The following PACSIN2 variants were observed in gnomAD, a reference collection of about 807,000 sequenced individuals.
PACSIN2 encodes protein kinase C and casein kinase substrate in neurons 2.
A neutral mutation model predicts 63.8 loss-of-function variants in PACSIN2; 25 were observed. The observed-to-expected ratio is 0.39, with a 90% CI of 0.29 to 0.55. The LOEUF (loss-of-function observed/expected upper bound fraction) is 0.55, where lower values mean the gene tolerates loss of function less well. Among genes scored for constraint, PACSIN2 ranks in the 20% least tolerant of loss-of-function variants. PACSIN2 has a pLI of 0.62. For synonymous variants in PACSIN2, 255 were observed against 256.2 expected (o/e 1.00, Z 0.05); for missense variants, 518 against 646.9 (o/e 0.80, Z 2.16).
Position 42,987,494 on chromosome 22 carries a change from C to CACACACACA in PACSIN2, c.-78+27526_-78+27527insTGTGTGTGT, listed in dbSNP as rs769969045. The stretch of plus-strand genomic sequence containing the variant: ...CACACACACACACACACACACACAC[C>CACACACACA]CATGGCACCATGTTCAGAAGACGGG... On this transcript the variant is annotated intron_variant, in intron 1 of 10. Transcript: ENST00000263246. Among the ~76,000 whole-genome samples the CACACACACA allele has an allele frequency of 3.6e-3, 248 of 68,038 alleles. 2 individuals carry two copies. Among genetic ancestry groups the CACACACACA allele is most frequent in the East Asian group, 0.011 (34 of 3,088 alleles). The allele number at this position is 68,038 out of a possible 152,430, so 44.6% of individuals were successfully genotyped here. A position where few individuals can be genotyped will look rare whatever the true frequency, so the allele number is the denominator to read the frequency against.
intron 4 of PACSIN2, 44 bp from the exon 5 acceptor site, chr22:42,888,842 C>CCTG: frequency 6.3e-7 from 1 of 1,599,548 alleles, no homozygotes; most frequent in South Asian, 1.1e-5. Context: ...ACTGGGAGTT[C>CCTG]AGGATCCTCA....
intron 1 of PACSIN2, among the ~76,000 whole-genome samples, chr22:42,946,411 C>A (rs376264946): frequency 6.6e-6 from 1 of 152,170 alleles, no homozygotes; most frequent in South Asian, 2.1e-4. Context: ...CTGAGCCTGG[C>A]GAGAGCAGCA....
intron 6 of PACSIN2, among the ~76,000 whole-genome samples, chr22:42,883,179 G>A (rs1490483129): frequency 6.6e-6 from 1 of 152,102 alleles, no homozygotes; most frequent in Non-Finnish European, 1.5e-5. Flanking sequence ...ACATGCAGAA[G>A]AGCCTGACAC....
At chr22:42,970,768 G>C (rs1347938059) in intron 1 of PACSIN2, among the ~76,000 whole-genome samples, 2 of 152,162 alleles carry the variant, frequency 1.3e-5, no homozygotes, top group Non-Finnish European at 2.9e-5. Flanking sequence ...AGGAAGGCAG[G>C]GCCCCGTGTA....
chr22:42,920,279 T>TAC (rs1932099866), intron 1 of PACSIN2, among the ~76,000 whole-genome samples: 1 of 152,188 alleles, frequency 6.6e-6, no homozygotes, highest in Non-Finnish European at 1.5e-5. Context: ...TCTCACGGGC[T>TAC]ACCCTGGGTG....
intron 2 of PACSIN2, among the ~76,000 whole-genome samples, chr22:42,906,816 T>C (rs1931107924): frequency 1.3e-5 from 2 of 152,216 alleles, no homozygotes; most frequent in Non-Finnish European, 2.9e-5. Flanking sequence ...ACACCATGTC[T>C]ACATTTTGTG....
intron 1 of PACSIN2, among the ~76,000 whole-genome samples, chr22:43,000,709 G>T (rs1489443172): frequency 6.6e-6 from 1 of 152,116 alleles, no homozygotes; most frequent in Non-Finnish European, 1.5e-5. Context: ...ACTCACATTT[G>T]CAAGACTAAG....
At chr22:42,886,415 T>TGTAGGTAG (rs78395694) in intron 5 of PACSIN2, among the ~76,000 whole-genome samples, 3,681 of 144,952 alleles carry the variant, frequency 0.025, 64 homozygotes, top group African/African-American at 0.052. Flanking sequence ...ATGGTATGTA[T>TGTAGGTAG]GTAGGTAGGT....
At chr22:42,886,118 C>T (rs370498277) in intron 5 of PACSIN2, among the ~76,000 whole-genome samples, 8 of 152,158 alleles carry the variant, frequency 5.3e-5, no homozygotes, top group Middle Eastern at 3.2e-3. Flanking sequence ...AGATGCTCCA[C>T]CTCTGGGCTG....
intron 1 of PACSIN2, among the ~76,000 whole-genome samples, chr22:43,014,316 C>T (rs1401482729): frequency 1.4e-5 from 2 of 139,534 alleles, no homozygotes; most frequent in African/African-American, 5.4e-5. Flanking sequence ...TTGCTCCCCC[C>T]GCCCTACACA....
intron 1 of PACSIN2, among the ~76,000 whole-genome samples, chr22:42,961,927 C>G (rs577229616): frequency 6.6e-6 from 1 of 152,144 alleles, no homozygotes; most frequent in African/African-American, 2.4e-5. Flanking sequence ...ACCAAAAAAG[C>G]AGAGAAGTCA....
chr22:42,909,551 C>A (rs940720216), intron 2 of PACSIN2: 1 of 471,142 alleles, frequency 2.1e-6, no homozygotes, highest in Non-Finnish European at 4.4e-6. Context: ...CACAGCACTG[C>A]GGAGTTGATA....
At chr22:42,929,488 T>C (rs141121348) in intron 1 of PACSIN2, among the ~76,000 whole-genome samples, 31 of 152,342 alleles carry the variant, frequency 2.0e-4, no homozygotes, top group Non-Finnish European at 2.1e-4. Context: ...GATTGTGAAA[T>C]GTTCAGTGGG....
chr22:42,872,903 C>T (rs529914010), intron 10 of PACSIN2, among the ~76,000 whole-genome samples: 3 of 152,340 alleles, frequency 2.0e-5, no homozygotes, highest in East Asian at 1.9e-4. Flanking sequence ...CTCTTTCCAC[C>T]GCTTCGTGCC....
At chr22:42,982,271 C>T (rs1601601866) in intron 1 of PACSIN2, among the ~76,000 whole-genome samples, 2 of 64,340 alleles carry the variant, frequency 3.1e-5, no homozygotes, top group African/African-American at 1.7e-4. Context: ...GCCCCCCGCC[C>T]GGCCAGCCGC....
rs541910507 is a variant in PACSIN2, at chr22:43,005,117, C to T, written c.-78+9904G>A. 4.5e-4 allele frequency among the ~76,000 whole-genome samples: 68 copies of T among 152,338 alleles called. No individual in the cohort carries two copies. In the South Asian group the frequency reaches 7.5e-3, roughly 17 times the overall value. ...AAACAAGGAGAAACTTCCTATAATT[C>T]TAAAGCCTTAACTATCACTGCTGCG... On this transcript the variant is annotated intron_variant, in intron 1 of 10. Coordinates refer to ENST00000263246, the MANE Select transcript of PACSIN2 (RefSeq NM_001184970.3).
At chr22:42,927,944 G>A (rs1227325973) in intron 1 of PACSIN2, among the ~76,000 whole-genome samples, 2 of 152,078 alleles carry the variant, frequency 1.3e-5, no homozygotes, top group Admixed American at 6.5e-5. Context: ...CCACTGAGCC[G>A]AGCCCTCATG....
At chr22:42,926,925 C>T (rs1932575796) in intron 1 of PACSIN2, among the ~76,000 whole-genome samples, 1 of 152,180 alleles carries the variant, frequency 6.6e-6, no homozygotes, top group Non-Finnish European at 1.5e-5. Context: ...GCTTACCACA[C>T]CTGGCTGGGC....
At chr22:42,982,896 A>AAAAAAAAAG (rs1488940944) in intron 1 of PACSIN2, among the ~76,000 whole-genome samples, 2 of 148,280 alleles carry the variant, frequency 1.3e-5, no homozygotes, top group Non-Finnish European at 3.0e-5. Context: ...AAAAACAACA[A>AAAAAAAAAG]CAAGGCTAGG....
Sources: gnomAD v4.1 joint callset for allele counts (sites outside exome capture counted in the v4.1 genomes callset) on GRCh38, gnomAD v4.1.1 for gene constraint, MANE v1.5 for transcripts, NCBI Gene and HGNC (gene_info 2026-07-23, HGNC 2026-07-21) for gene names.